BTBD16: variants seen among roughly 807,000 people sequenced by gnomAD.
BTBD16 encodes BTB domain containing 16.
In BTBD16, 66 loss-of-function variants were observed where a neutral mutation model predicts 67.4. The ratio of observed to expected loss-of-function variants is 0.98; its 90% CI spans 0.80 to 1.20. BTBD16 has a LOEUF of 1.20. Ranked by LOEUF, BTBD16 falls within the 50% of genes most tolerant of loss-of-function variation. BTBD16 has a pLI of 0.00. For missense variants in BTBD16, 634 were observed against 616.0 expected, an observed-to-expected ratio of 1.03 and a Z score of -0.31; for synonymous variants, 242 against 236.4, an observed-to-expected ratio of 1.02 and a Z score of -0.22.
intron 10 of BTBD16, among the ~76,000 whole-genome samples, chr10:122,314,796 A>G (rs10887125): frequency 0.04 from 6,017 of 152,250 alleles, 366 homozygotes; most frequent in East Asian, 0.23. Flanking sequence ...ATTTTTAAGA[A>G]TAATACTAGA....
intron 15 of BTBD16, among the ~76,000 whole-genome samples, chr10:122,337,487 C>T (rs879468253): frequency 1.8e-4 from 28 of 151,896 alleles, no homozygotes; most frequent in African/African-American, 5.6e-4. Context: ...TTTTTTGAGA[C>T]GGAGTCTCGC....
intron 10 of BTBD16, among the ~76,000 whole-genome samples, chr10:122,316,267 A>AAAAAC (rs1021815360): frequency 4.0e-4 from 61 of 152,254 alleles, no homozygotes; most frequent in East Asian, 1.3e-3. Context: ...ACTCCAACTC[A>AAAAAC]AAAACAAAAC....
intron 9 of BTBD16, among the ~76,000 whole-genome samples, chr10:122,300,163 C>G (rs2096391140): frequency 6.6e-6 from 1 of 152,150 alleles, no homozygotes; most frequent in African/African-American, 2.4e-5. Flanking sequence ...GATTCTTTCC[C>G]ACATTAAATT....
rs909504249 is a variant in BTBD16, at chr10:122,289,747, AAATT to A, written c.386-140_386-137del. The stretch of plus-strand genomic sequence containing the variant: ...GAGTGAAACTCCATCTCACACACAA[AAATT>A]AATTAATTAATTAATTAATTACATC... On this transcript the variant is annotated intron_variant, in intron 5 of 15. Coordinates refer to ENST00000260723, the MANE Select transcript of BTBD16 (RefSeq NM_144587.5). 8.1e-4 allele frequency: 125 copies of A among 154,300 alleles called. 1 individual carries two copies. Among genetic ancestry groups the A allele is most frequent in the African/African-American group, 2.5e-3 (102 of 41,562 alleles). The allele number at this position is 154,300 out of a possible 1,614,324, so 9.6% of individuals were successfully genotyped here. A position where few individuals can be genotyped will look rare whatever the true frequency, so the allele number is the denominator to read the frequency against.
intron 7 of BTBD16, chr10:122,294,299 G>T: frequency 1.2e-6 from 1 of 828,138 alleles, no homozygotes; most frequent in Non-Finnish European, 1.5e-6. Context: ...TTCAGGTGCT[G>T]AGTGAGACCT....
intron 10 of BTBD16, among the ~76,000 whole-genome samples, chr10:122,324,579 G>A (rs78505012): frequency 6.6e-6 from 1 of 152,302 alleles, no homozygotes; most frequent in African/African-American, 2.4e-5. Context: ...TGGACATTAG[G>A]GCCATTAAAT....
chr10:122,333,771 G>A (rs981458233), intron 13 of BTBD16, among the ~76,000 whole-genome samples: 1 of 150,908 alleles, frequency 6.6e-6, no homozygotes, highest in Non-Finnish European at 1.5e-5. Context: ...TTTTTTTTTT[G>A]TAGTATTGTG....
chr10:122,289,938 T>A lies in BTBD16; in HGVS notation c.415T>A (p.Ser139Thr), dbSNP rs1350511772. ...ATCACCTAAGAAGACCAAAGAAAAA[T>A]CCCCTGCAAAGAGGATCATCATTTC... Reference protein sequence around the residue: ...AQSPKKTKEKSPAKRIIISLK... With the variant: ...AQSPKKTKEKTPAKRIIISLK... The change falls in exon 6 of 16, where the codon TCC (serine) becomes ACC (threonine). Residue 139 changes from serine to threonine, a missense_variant. Coordinates refer to ENST00000260723, the MANE Select transcript of BTBD16 (RefSeq NM_144587.5). 6.2e-7 allele frequency: 1 copy of A among 1,613,590 alleles called. No homozygotes were observed. The highest frequency in any genetic ancestry group is 1.1e-5 in the South Asian group (1 of 91,054).
rs760217326 is a variant in BTBD16, at chr10:122,336,567, G to C, written c.1337G>C (p.Arg446Pro). The change falls in exon 15 of 16, where the codon CGC (arginine) becomes CCC (proline). Residue 446 changes from arginine to proline, a missense_variant. Physicochemically the swap from Arg to Pro is moderately radical, Grantham distance 103. Coordinates refer to ENST00000260723, the MANE Select transcript of BTBD16 (RefSeq NM_144587.5). ...EHNHVSLRAARLVKYEIRAEA... is the reference protein window; with the variant it reads ...EHNHVSLRAAPLVKYEIRAEA... ...AACCACGTCAGCCTGCGAGCGGCAC[G>C]CCTGGTGAAGTATGAGATCAGAGCA... is the stretch of plus-strand genomic sequence containing the variant. 6.2e-7 allele frequency: 1 copy of C among 1,613,148 alleles called. No individual in the cohort carries two copies. The highest frequency in any genetic ancestry group is 2.2e-5 in the East Asian group (1 of 44,794).
chr10:122,322,300 T>G (rs1391981302), intron 10 of BTBD16, among the ~76,000 whole-genome samples: 1 of 152,238 alleles, frequency 6.6e-6, no homozygotes, highest in African/African-American at 2.4e-5. Context: ...TCTTCTTTTC[T>G]GATTTAGAGC....
intron 7 of BTBD16, among the ~76,000 whole-genome samples, chr10:122,296,100 T>C (rs2096382610): frequency 6.6e-6 from 1 of 151,914 alleles, no homozygotes; most frequent in African/African-American, 2.4e-5. Flanking sequence ...ACTTGATCAG[T>C]GATATTCGAT....
chr10:122,336,702 T>C lies in BTBD16; in HGVS notation c.1452+20T>C, dbSNP rs745922373. The C allele has an allele frequency of 1.9e-6, 3 of 1,541,350 alleles. No homozygotes were observed. The highest frequency in any genetic ancestry group is 2.2e-5 in the Admixed American group (1 of 45,326). On this transcript the variant is annotated intron_variant, in intron 15 of 15. Transcript: ENST00000260723. ...AGCCATGCAAGTGTTCACGTTGTCTTTTCCTTTATTTCCTTTTTGCTCTTT... is the reference window on the plus strand; with the variant it reads ...AGCCATGCAAGTGTTCACGTTGTCTCTTCCTTTATTTCCTTTTTGCTCTTT...
chr10:122,283,979 C>A (rs958272224), intron 4 of BTBD16, 55 bp downstream of exon 4: 1 of 1,370,100 alleles, frequency 7.3e-7, no homozygotes, highest in Non-Finnish European at 1.0e-6. Context: ...TCAGGGGCAT[C>A]TTGTGGTCTT....
intron 10 of BTBD16, among the ~76,000 whole-genome samples, chr10:122,325,564 G>A (rs1283887112): frequency 6.6e-6 from 1 of 151,978 alleles, no homozygotes; most frequent in Non-Finnish European, 1.5e-5. Context: ...AAAATGTGGT[G>A]ACCTTTGGTA....
chr10:122,322,883 C>T (rs1352432663), intron 10 of BTBD16, among the ~76,000 whole-genome samples: 2 of 152,194 alleles, frequency 1.3e-5, no homozygotes, highest in African/African-American at 4.8e-5. Flanking sequence ...CATAGTATTG[C>T]ATGCCCATCT....
chr10:122,273,703 A>T (rs534447399), intron 1 of BTBD16, among the ~76,000 whole-genome samples: 2 of 152,238 alleles, frequency 1.3e-5, no homozygotes, highest in East Asian at 3.9e-4. Flanking sequence ...AGCCTTTATC[A>T]CACCACTGCA....
chr10:122,304,133 G>T (rs754550114), intron 9 of BTBD16, among the ~76,000 whole-genome samples: 22 of 152,276 alleles, frequency 1.4e-4, no homozygotes, highest in Non-Finnish European at 2.9e-4. Flanking sequence ...CATACCAAGT[G>T]CTCTGAGGAG....
intron 13 of BTBD16, among the ~76,000 whole-genome samples, chr10:122,334,494 C>CCT (rs2096460183): frequency 2.3e-5 from 1 of 43,256 alleles, no homozygotes; most frequent in Admixed American, 4.0e-4. Flanking sequence ...CGTGCCCGGC[C>CCT]TTTTTTTTTT....
rs1490749162 is a variant in BTBD16 at position 122,325,936 on chromosome 10, A to G, written c.912-3544A>G. Among the ~76,000 whole-genome samples, 4 of 151,988 alleles carry G rather than the reference A, an allele frequency of 2.6e-5. No individual in the cohort carries two copies. In the East Asian group the frequency reaches 7.7e-4, roughly 29 times the overall value. On this transcript the variant is annotated intron_variant, in intron 10 of 15. Transcript: ENST00000260723. ...GGTGATTCACCCACCTCGGCCTCCC[A>G]AAGTGCTGGGATTACAGGCGTGAGC...
Sources: gnomAD v4.1 joint callset for allele counts (sites outside exome capture counted in the v4.1 genomes callset) on GRCh38, gnomAD v4.1.1 for gene constraint, MANE v1.5 for transcripts, NCBI Gene and HGNC (gene_info 2026-07-23, HGNC 2026-07-21) for gene names.